EHBP1: variants seen among roughly 807,000 people sequenced by gnomAD.
The protein encoded by EHBP1 is EH domain-binding protein 1.
EHBP1 carries 55 observed loss-of-function variants against 144.0 expected under a neutral mutation model. That is an observed-to-expected ratio of 0.38 (90% CI 0.31 to 0.48). The LOEUF (loss-of-function observed/expected upper bound fraction) is 0.48, where lower values mean the gene tolerates loss of function less well. EHBP1 is among the 20% of genes least tolerant of loss of function. The pLI is 0.98. For missense variants in EHBP1, 1,200 were observed against 1,364.2 expected (o/e 0.88, Z 1.90); for synonymous variants, 469 against 472.7 (o/e 0.99, Z 0.10).
At chr2:63,013,915 A>G (rs2060376698) in intron 19 of EHBP1, among the ~76,000 whole-genome samples, 1 of 152,214 alleles carries the variant, frequency 6.6e-6, no homozygotes, top group African/African-American at 2.4e-5. Flanking sequence ...CATAATATCA[A>G]TGACACCTTC....
chr2:62,921,472 C>T (rs556699530), intron 10 of EHBP1, among the ~76,000 whole-genome samples: 1 of 151,398 alleles, frequency 6.6e-6, no homozygotes, highest in African/African-American at 2.4e-5. Context: ...AAGTAATCCC[C>T]ATGATAACCA....
intron 4 of EHBP1, among the ~76,000 whole-genome samples, chr2:62,764,834 C>G (rs1354213357): frequency 6.6e-6 from 1 of 151,958 alleles, no homozygotes. Flanking sequence ...TGCTTAAAGG[C>G]AAAATGCTGG....
intron 10 of EHBP1, among the ~76,000 whole-genome samples, chr2:62,941,266 T>G (rs546732034): frequency 1.3e-5 from 2 of 152,270 alleles, no homozygotes; most frequent in Non-Finnish European, 2.9e-5. Context: ...GAAAAGATAT[T>G]TAATAGTTCA....
In EHBP1 at chr2:62,876,978, G is replaced by A. The variant is rs567197118; in HGVS notation, c.1185+2446G>A. Among the ~76,000 whole-genome samples, 8 of 152,260 alleles carry A rather than the reference G, an allele frequency of 5.3e-5. No homozygotes were observed. In the South Asian group the frequency reaches 1.7e-3, roughly 32 times the overall value. ...CAATTAGCTTAACAACACAATGATA[G>A]AACCAAATCCACATATGACAATATT... On this transcript the variant is annotated intron_variant, in intron 10 of 22. Coordinates refer to ENST00000431489, the MANE Select transcript of EHBP1 (RefSeq NM_001142616.3).
intron 7 of EHBP1, among the ~76,000 whole-genome samples, chr2:62,849,299 A>G (rs1370856282): frequency 6.6e-6 from 1 of 152,062 alleles, no homozygotes; most frequent in Non-Finnish European, 1.5e-5. Flanking sequence ...TGGACAGGCC[A>G]CTTGGAGAGA....
intron 14 of EHBP1, among the ~76,000 whole-genome samples, chr2:62,973,284 A>G (rs909915299): frequency 6.6e-6 from 1 of 152,244 alleles, no homozygotes; most frequent in Non-Finnish European, 1.5e-5. Flanking sequence ...AGAAGTTATT[A>G]TTCACTCAGT....
Position 63,026,294 on chromosome 2 carries a change from TTGTGTGTGTGTGTG to T in EHBP1, c.3104-11203_3104-11190del, listed in dbSNP as rs60109170. Among the ~76,000 whole-genome samples, 202 of 129,100 alleles carry T rather than the reference TTGTGTGTGTGTGTG, an allele frequency of 1.6e-3. 1 individual carries two copies. Among genetic ancestry groups the T allele is most frequent in the Middle Eastern group, 0.012 (3 of 252 alleles). 84.7% of individuals were successfully genotyped at this position (129,100 alleles called of 152,430 possible). A position where few individuals can be genotyped will look rare whatever the true frequency, so the allele number is the denominator to read the frequency against. ...TGAGTAATGAATATGGCTCTCTACC[TTGTGTGTGTGTGTG>T]TGTGTGTGTGTGTGTGTGTGTGTGT... On this transcript the variant is annotated intron_variant, in intron 19 of 22. Coordinates refer to ENST00000431489, the MANE Select transcript of EHBP1 (RefSeq NM_001142616.3).
intron 5 of EHBP1, among the ~76,000 whole-genome samples, chr2:62,790,776 T>C (rs1369170790): frequency 2.0e-5 from 3 of 152,114 alleles, no homozygotes; most frequent in Non-Finnish European, 2.9e-5. Flanking sequence ...CAATGAAATA[T>C]CCTGTTTTGT....
chr2:62,706,634 G>A (rs2034612698), intron 1 of EHBP1: 1 of 153,038 alleles, frequency 6.5e-6, no homozygotes, highest in Non-Finnish European at 1.5e-5. Context: ...GTAGGGCCCC[G>A]AGTTACCGTC....
At chr2:63,024,539 C>G (rs1447417997) in intron 19 of EHBP1, among the ~76,000 whole-genome samples, 1 of 136,730 alleles carries the variant, frequency 7.3e-6, no homozygotes, top group African/African-American at 2.8e-5. Context: ...GAGGTCAAGG[C>G]TATAGTGAGC....
chr2:62,873,498 A>G lies in EHBP1; in HGVS notation c.999-848A>G, dbSNP rs564137926. ...AGGAAACCTGACAGGAAGTTGTTCA[A>G]CATATATCTAATAAGATATTTCAAA... On this transcript the variant is annotated intron_variant, in intron 9 of 22. Transcript: ENST00000431489. Among the ~76,000 whole-genome samples, 7 of 152,284 alleles carry G rather than the reference A, an allele frequency of 4.6e-5. No homozygotes were observed. In the South Asian group the frequency reaches 1.5e-3, roughly 32 times the overall value.
chr2:62,997,536 A>G (rs1007232085), intron 19 of EHBP1, among the ~76,000 whole-genome samples: 6 of 151,712 alleles, frequency 4.0e-5, no homozygotes, highest in African/African-American at 1.5e-4. Flanking sequence ...TTCATACCAA[A>G]TTATAAGTTA....
At chr2:62,928,093 T>C (rs2055675323) in intron 10 of EHBP1, among the ~76,000 whole-genome samples, 1 of 151,782 alleles carries the variant, frequency 6.6e-6, no homozygotes, top group African/African-American at 2.4e-5. Flanking sequence ...GAAAGCAGTG[T>C]TTAGGGGGAA....
At position 62,826,127 on chromosome 2, in the gene EHBP1, G is replaced by A; in HGVS notation, c.353G>A (p.Ser118Asn). 6.5e-7 allele frequency: 1 copy of A among 1,543,954 alleles called. No homozygotes were observed. The highest frequency in any genetic ancestry group is 8.7e-7 in the Non-Finnish European group (1 of 1,145,988). Residue 118 changes from serine to asparagine, a missense_variant, in exon 6 of 23, where the codon AGC becomes AAC. Coordinates refer to ENST00000431489, the MANE Select transcript of EHBP1 (RefSeq NM_001142616.3). ...CGAAGGAAAGCTCTTGCTACTAGCA[G>A]CATCAATATGAAACAGTATGCAAGC... ...SGRRKALATS[S>N]INMKQYASPM...
chr2:63,012,187 T>G (rs2060294440), intron 19 of EHBP1, among the ~76,000 whole-genome samples: 1 of 152,004 alleles, frequency 6.6e-6, no homozygotes, highest in African/African-American at 2.4e-5. Context: ...CAGTTAATAT[T>G]GTAAAACCTG....
intron 1 of EHBP1, among the ~76,000 whole-genome samples, chr2:62,680,787 A>G (rs548397674): frequency 4.9e-4 from 74 of 152,292 alleles, no homozygotes; most frequent in Admixed American, 1.2e-3. Flanking sequence ...CAGCAATCTG[A>G]GAGTCAAGAT....
intron 1 of EHBP1, among the ~76,000 whole-genome samples, chr2:62,699,920 TC>T (rs1171429987): frequency 6.6e-6 from 1 of 152,220 alleles, no homozygotes; most frequent in African/African-American, 2.4e-5. Flanking sequence ...CCCATGTTGG[TC>T]TTTTCTAGAT....
chr2:62,816,434 A>G (rs538030966), intron 5 of EHBP1, among the ~76,000 whole-genome samples: 35 of 152,328 alleles, frequency 2.3e-4, no homozygotes, highest in African/African-American at 8.4e-4. Flanking sequence ...CAACCCACAT[A>G]AACAGAAGCT....
At chr2:62,848,068 T>G (rs1203784586) in intron 7 of EHBP1, among the ~76,000 whole-genome samples, 1 of 150,902 alleles carries the variant, frequency 6.6e-6, no homozygotes, top group Non-Finnish European at 1.5e-5. Context: ...CATCACATAA[T>G]GAGTGTCTTT....
Sources: allele counts gnomAD v4.1 joint callset (sites outside exome capture counted in the v4.1 genomes callset), GRCh38; gene constraint gnomAD v4.1.1; transcripts MANE v1.5; gene names NCBI Gene and HGNC (gene_info 2026-07-23, HGNC 2026-07-21).